Variants in TANK observed in about 807,000 individuals in gnomAD.
TANK encodes the protein TRAF family member-associated NF-kappa-B activator.
In TANK, 15 loss-of-function variants were observed where a neutral mutation model predicts 43.6. The observed-to-expected ratio is 0.34, with a 90% confidence interval of 0.23 to 0.53. The LOEUF (loss-of-function observed/expected upper bound fraction) is 0.53, where lower values mean the gene tolerates loss of function less well. Ranked by LOEUF, TANK falls within the 20% of genes least tolerant of loss-of-function variation. The probability of loss-of-function intolerance (pLI) is 0.94; values close to 1 mark genes in which losing one functional copy is unlikely to be tolerated. For missense variants in TANK, 417 were observed against 498.6 expected, an observed-to-expected ratio of 0.84 and a Z score of 1.56; for synonymous variants, 162 against 178.2, an observed-to-expected ratio of 0.91 and a Z score of 0.73.
intron 4 of TANK, among the ~76,000 whole-genome samples, chr2:161,205,932 C>T (rs901121460): frequency 1.6e-4 from 24 of 151,994 alleles, no homozygotes; most frequent in African/African-American, 4.8e-4. Context: ...TGCTGCCATG[C>T]GTGGCTAATT....
chr2:161,189,805 G>A (rs929696026), intron 2 of TANK, among the ~76,000 whole-genome samples: 1 of 152,072 alleles, frequency 6.6e-6, no homozygotes, highest in Non-Finnish European at 1.5e-5. Flanking sequence ...TCATTAATTG[G>A]ACCCTTGCCT....
At chr2:161,168,345 G>A (rs1012333202) in intron 1 of TANK, among the ~76,000 whole-genome samples, 6 of 152,052 alleles carry the variant, frequency 3.9e-5, no homozygotes, top group African/African-American at 1.5e-4. Context: ...GTCCCAGAAA[G>A]GAATACAAAA....
chr2:161,230,318 T>C (rs1687845768), intron 6 of TANK, among the ~76,000 whole-genome samples: 2 of 152,234 alleles, frequency 1.3e-5, no homozygotes. Flanking sequence ...CCCTTTTGTC[T>C]ACCAGATATT....
chr2:161,226,504 A>G (rs1687620165), intron 6 of TANK, among the ~76,000 whole-genome samples: 1 of 152,174 alleles, frequency 6.6e-6, no homozygotes, highest in Non-Finnish European at 1.5e-5. Context: ...CCAAGTATGT[A>G]TGCTACACTG....
chr2:161,161,184 G>T, intron 1 of TANK: 2 of 1,486,034 alleles, frequency 1.3e-6, no homozygotes, highest in Non-Finnish European at 1.8e-6. Context: ...AGTAGAAAGG[G>T]GGAGGATAAT....
At chr2:161,173,081 G>A (rs1185758665) in intron 1 of TANK, among the ~76,000 whole-genome samples, 1 of 152,060 alleles carries the variant, frequency 6.6e-6, no homozygotes, top group Admixed American at 6.6e-5. Flanking sequence ...GTCTACTATA[G>A]TCTAGCCATA....
Position 161,224,793 on chromosome 2 carries a change from A to T in TANK, c.520+47A>T, listed in dbSNP as rs201552568. 3.0e-5 allele frequency: 35 copies of T among 1,160,224 alleles called. No individual in the cohort carries two copies. In the South Asian group the frequency reaches 5.2e-4, roughly 17 times the overall value. The allele number at this position is 1,160,224 out of a possible 1,614,324, so 71.9% of individuals were successfully genotyped here. A position where few individuals can be genotyped will look rare whatever the true frequency, so the allele number is the denominator to read the frequency against. Reference sequence around the variant, plus strand: ...AGTAATATTGATTTGCTTGATTGAAATTGATTTCCTTTTGAATGTGAAAAT... The same window carrying T: ...AGTAATATTGATTTGCTTGATTGAATTTGATTTCCTTTTGAATGTGAAAAT... On this transcript the variant is annotated intron_variant, in intron 6 of 7. Transcript: ENST00000392749.
intron 1 of TANK, among the ~76,000 whole-genome samples, chr2:161,165,873 C>T (rs1222703348): frequency 6.6e-6 from 1 of 152,172 alleles, no homozygotes. Context: ...TTACGTTCAC[C>T]TCAGAGGAGT....
At chr2:161,168,726 G>C (rs760095153) in intron 1 of TANK, among the ~76,000 whole-genome samples, 9 of 152,124 alleles carry the variant, frequency 5.9e-5, no homozygotes, top group Admixed American at 2.0e-4. Flanking sequence ...CCAGCTACTG[G>C]GGAGGCTGAG....
At chr2:161,150,484 T>C (rs1457977132) in intron 1 of TANK, among the ~76,000 whole-genome samples, 1 of 152,080 alleles carries the variant, frequency 6.6e-6, no homozygotes, top group Non-Finnish European at 1.5e-5. Context: ...ATCTCTTCTC[T>C]AATCTTTATT....
intron 1 of TANK, chr2:161,162,991 C>A (rs1032780484): frequency 3.3e-5 from 5 of 152,110 alleles, no homozygotes; most frequent in African/African-American, 1.2e-4. Flanking sequence ...AGTTTGTGAA[C>A]CAATCTTACG....
At chr2:161,156,190 T>C (rs1021114050), upstream of TANK, 2 of 985,408 alleles carry the variant, frequency 2.0e-6, no homozygotes, top group Non-Finnish European at 2.4e-6. Flanking sequence ...CCTTTAATGG[T>C]TGTCACCTAT....
At chr2:161,230,134 C>A (rs944165053) in intron 6 of TANK, among the ~76,000 whole-genome samples, 2 of 152,148 alleles carry the variant, frequency 1.3e-5, no homozygotes, top group African/African-American at 4.8e-5. Flanking sequence ...GGAAATACCA[C>A]CAAGTTTGTT....
intron 4 of TANK, chr2:161,212,438 A>G: frequency 3.0e-6 from 3 of 984,184 alleles, no homozygotes; most frequent in Non-Finnish European, 2.4e-6. Flanking sequence ...CTATTGCAGA[A>G]ACTGTGTTTC....
chr2:161,232,617 A>G (rs1343655024), intron 7 of TANK: 10 of 1,257,474 alleles, frequency 8.0e-6, no homozygotes, highest in Non-Finnish European at 9.5e-6. Context: ...ACTAAATGAA[A>G]CAAATTAAAC....
At chr2:161,148,461 T>A (rs1197307585) in intron 1 of TANK, among the ~76,000 whole-genome samples, 2 of 152,224 alleles carry the variant, frequency 1.3e-5, no homozygotes, top group Non-Finnish European at 2.9e-5. Flanking sequence ...AAATATTTTC[T>A]CCTTTTCTAT....
chr2:161,231,264 G>C lies in TANK; in HGVS notation c.814G>C (p.Glu272Gln). 6.2e-7 allele frequency: 1 copy of C among 1,613,994 alleles called. No individual in the cohort carries two copies. The highest frequency in any genetic ancestry group is 1.7e-5 in the Admixed American group (1 of 60,028). ...AGTGTGCCAAGAGAAATTTAATATGGAGTTCAGAGACAACCCAGGGAACTT... is the reference window on the plus strand; with the variant it reads ...AGTGTGCCAAGAGAAATTTAATATGCAGTTCAGAGACAACCCAGGGAACTT... ...EAVCQEKFNM[E>Q]FRDNPGNFVK... is the part of the protein sequence containing the mutation. The change falls in exon 7 of 8, where the codon GAG (glutamate) becomes CAG (glutamine). Residue 272 changes from glutamate (E) to glutamine (Q), a missense_variant. Physicochemically the swap from Glu to Gln is conservative, Grantham distance 29. Transcript: ENST00000392749.
chr2:161,232,727 T>C, intron 7 of TANK: 7 of 1,548,588 alleles, frequency 4.5e-6, no homozygotes, highest in Non-Finnish European at 6.1e-6. Flanking sequence ...CTTGTTCTTT[T>C]ACTAGTCTGT....
chr2:161,210,975 G>T (rs945787881), intron 4 of TANK, among the ~76,000 whole-genome samples: 9 of 152,184 alleles, frequency 5.9e-5, no homozygotes, highest in African/African-American at 2.2e-4. Flanking sequence ...ACTTGGGAGA[G>T]AATATTATGT....
Sources: gnomAD v4.1 joint callset for allele counts (sites outside exome capture counted in the v4.1 genomes callset) on GRCh38, gnomAD v4.1.1 for gene constraint, MANE v1.5 for transcripts, NCBI Gene and HGNC (gene_info 2026-07-23, HGNC 2026-07-21) for gene names.